The following PVR variants were observed in gnomAD, a reference collection of about 807,000 sequenced individuals.
PVR encodes the protein PVR cell adhesion molecule.
A neutral mutation model predicts 43.3 loss-of-function variants in PVR; 39 were observed. That is an observed-to-expected ratio of 0.90 (90% CI 0.70 to 1.18). The LOEUF (loss-of-function observed/expected upper bound fraction) is 1.18, where lower values mean the gene tolerates loss of function less well. Ranked by LOEUF, PVR falls within the 50% of genes most tolerant of loss-of-function variation. The pLI is 0.00. For missense variants in PVR, 480 were observed against 549.7 expected (o/e 0.87, Z 1.27); for synonymous variants, 224 against 233.2 (o/e 0.96, Z 0.36).
At chr19:44,645,138 AT>A (rs1210810745) in intron 1 of PVR, among the ~76,000 whole-genome samples, 2,925 of 60,428 alleles carry the variant, frequency 0.048, 546 homozygotes, top group African/African-American at 0.19. Context: ...AATATATTAT[AT>A]ATATTATTAT....
In PVR at chr19:44,647,484, G is replaced by C. The variant is rs145805807; in HGVS notation, c.341G>C (p.Arg114Pro). 1.9e-5 allele frequency: 30 copies of C among 1,614,006 alleles called. No homozygotes were observed. Among genetic ancestry groups the C allele is most frequent in the Non-Finnish European group, 2.5e-5 (29 of 1,180,014 alleles). ...GCCTCGCTGAGGATGTTCGGGTTGC[G>C]CGTAGAGGATGAAGGCAACTACACC... ...RNASLRMFGL[R>P]VEDEGNYTCL... Residue 114 changes from arginine to proline, a missense_variant, in exon 2 of 8, where the codon CGC becomes CCC. Arg to Pro is a moderately radical substitution (Grantham distance 103). Transcript: ENST00000425690.
chr19:44,654,829 C>G (rs1973395778), intron 4 of PVR, among the ~76,000 whole-genome samples: 1 of 151,970 alleles, frequency 6.6e-6, no homozygotes, highest in African/African-American at 2.4e-5. Flanking sequence ...CCAATGTGGC[C>G]CGGGGAAGCC....
chr19:44,650,561 C>CTTTTTT (rs869225120), intron 3 of PVR, among the ~76,000 whole-genome samples: 1 of 135,528 alleles, frequency 7.4e-6, no homozygotes, highest in South Asian at 2.3e-4. Context: ...TCTTTCTTTC[C>CTTTTTT]TTTTTTTTTT....
At chr19:44,661,472 A>G in intron 7 of PVR, 149 bp downstream of exon 7, 1 of 889,826 alleles carries the variant, frequency 1.1e-6, no homozygotes, top group Non-Finnish European at 1.8e-6. Context: ...TGCTGGGCGG[A>G]ATCCCCTGTA....
At chr19:44,661,420 T>A in intron 7 of PVR, 97 bp downstream of exon 7, 1 of 1,312,094 alleles carries the variant, frequency 7.6e-7, no homozygotes, top group Non-Finnish European at 1.1e-6. Flanking sequence ...GGAGCCTGGG[T>A]CTTTTCTCCT....
chr19:44,663,381 A>G lies in PVR; in HGVS notation c.*1570A>G, dbSNP rs958818587. 1.3e-5 allele frequency: 2 copies of G among 152,260 alleles called. No individual in the cohort carries two copies. The highest frequency in any genetic ancestry group is 4.8e-5 in the African/African-American group (2 of 41,436). The allele number at this position is 152,260 out of a possible 1,614,324, so 9.4% of individuals were successfully genotyped here. A position where few individuals can be genotyped will look rare whatever the true frequency, so the allele number is the denominator to read the frequency against. ...GACAGAGGATTTGCTCTGGACAGAGATGGAAGAGCCGGGAACAGAGAAGTG... is the reference window on the plus strand; with the variant it reads ...GACAGAGGATTTGCTCTGGACAGAGGTGGAAGAGCCGGGAACAGAGAAGTG... On this transcript the variant is annotated 3_prime_UTR_variant, in exon 8 of 8. Transcript: ENST00000425690.
At chr19:44,648,671 T>C (rs1438468809) in intron 2 of PVR, among the ~76,000 whole-genome samples, 1 of 151,928 alleles carries the variant, frequency 6.6e-6, no homozygotes, top group East Asian at 1.9e-4. Flanking sequence ...TTTGTTTTGT[T>C]TTGTTTTCTT....
chr19:44,655,303 G>T (rs1973411508), intron 4 of PVR, among the ~76,000 whole-genome samples: 1 of 152,112 alleles, frequency 6.6e-6, no homozygotes, highest in East Asian at 1.9e-4. Context: ...TGCCCAGGCT[G>T]GTCTGCAACT....
At chr19:44,657,306 G>T (rs1380273997) in intron 4 of PVR, among the ~76,000 whole-genome samples, 1 of 152,230 alleles carries the variant, frequency 6.6e-6, no homozygotes, top group Non-Finnish European at 1.5e-5. Context: ...GCAGGGGCCA[G>T]ATCACGTGGG....
At position 44,649,846 on chromosome 19, in the gene PVR, G is replaced by C. The variant is rs1269883877; in HGVS notation, c.465G>C (p.Gln155His). ...ACACAGCTGAGGTTCAGAAGGTCCA[G>C]CTCACTGGAGAGCCAGTGCCCATGG... ...PQNTAEVQKV[Q>H]LTGEPVPMAR... The change falls in exon 3 of 8, where the codon CAG (glutamine) becomes CAC (histidine). Residue 155 changes from glutamine (Q) to histidine (H), a missense_variant. Transcript: ENST00000425690. 6.2e-7 allele frequency: 1 copy of C among 1,614,088 alleles called. No individual in the cohort carries two copies. Among genetic ancestry groups the C allele is most frequent in the Non-Finnish European group, 8.5e-7 (1 of 1,180,016 alleles).
At chr19:44,656,393 C>T (rs572433521) in intron 4 of PVR, among the ~76,000 whole-genome samples, 6 of 152,284 alleles carry the variant, frequency 3.9e-5, no homozygotes, top group Admixed American at 1.3e-4. Context: ...CTCAAAGCAC[C>T]GCAATTCAGG....
Position 44,643,947 on chromosome 19 carries a change from C to T in PVR, c.-150C>T, listed in dbSNP as rs1003231714. ...GGAGCTTGAAGAAGTGGGTATTCCC[C>T]TTCCCACCCCAGGCACTGGAGGAGC... is the stretch of plus-strand genomic sequence containing the variant. On this transcript the variant is annotated 5_prime_UTR_variant, in exon 1 of 8. Transcript: ENST00000425690. 3 of 591,024 alleles carry T rather than the reference C, an allele frequency of 5.1e-6. No homozygotes were observed. Among genetic ancestry groups the T allele is most frequent in the African/African-American group, 2.0e-5 (1 of 50,346 alleles). 36.6% of individuals were successfully genotyped at this position (591,024 alleles called of 1,614,324 possible).
intron 1 of PVR, among the ~76,000 whole-genome samples, chr19:44,645,794 C>T (rs1395352444): frequency 6.6e-6 from 1 of 151,684 alleles, no homozygotes; most frequent in African/African-American, 2.4e-5. Flanking sequence ...GACCCCATCT[C>T]TACAAAAATA....
intron 6 of PVR, among the ~76,000 whole-genome samples, chr19:44,659,722 T>A (rs981804103): frequency 2.6e-5 from 4 of 152,174 alleles, no homozygotes; most frequent in Non-Finnish European, 5.9e-5. Flanking sequence ...TCTCCTGTGA[T>A]CCACCCGCCT....
chr19:44,645,683 A>G (rs1327099599), intron 1 of PVR, among the ~76,000 whole-genome samples: 3 of 151,648 alleles, frequency 2.0e-5, no homozygotes, highest in African/African-American at 7.3e-5. Flanking sequence ...GGTTGCAGCC[A>G]AGCACAGTGG....
At chr19:44,644,240 A>G (rs1157093669) in intron 1 of PVR, 65 bp downstream of exon 1, 3 of 1,299,436 alleles carry the variant, frequency 2.3e-6, no homozygotes, top group East Asian at 3.1e-5. Flanking sequence ...CAGGCCGGGT[A>G]CTCGCCCCCT....
chr19:44,652,248 G>A (rs1338849547), intron 3 of PVR, among the ~76,000 whole-genome samples: 1 of 152,078 alleles, frequency 6.6e-6, no homozygotes, highest in Non-Finnish European at 1.5e-5. Flanking sequence ...ACCCAGACTG[G>A]AGTGCAGTGG....
chr19:44,658,724 T>C lies in PVR; in HGVS notation c.992-18T>C, dbSNP rs1282753950. On this transcript the variant is annotated intron_variant, in intron 5 of 7. Coordinates refer to ENST00000425690, the MANE Select transcript of PVR (RefSeq NM_006505.5). ...CCAAGAGTTTCCTTACCTAAATACCTGTTTCCTTCTCTTTCAGAGGGACCT... is the reference window on the plus strand; with the variant it reads ...CCAAGAGTTTCCTTACCTAAATACCCGTTTCCTTCTCTTTCAGAGGGACCT... 1.3e-6 allele frequency: 2 copies of C among 1,583,204 alleles called. No homozygotes were observed. The highest frequency in any genetic ancestry group is 2.3e-5 in the South Asian group (2 of 88,424).
Position 44,653,997 on chromosome 19 carries a change from C to T in PVR, c.822C>T (p.Pro274=). 2 of 1,613,882 alleles carry T rather than the reference C, an allele frequency of 1.2e-6. No individual in the cohort carries two copies. The highest frequency in any genetic ancestry group is 1.7e-6 in the Non-Finnish European group (2 of 1,179,742). Residue 274 remains proline (P), a synonymous_variant, in exon 4 of 8, where the codon CCC becomes CCT. Coordinates refer to ENST00000425690, the MANE Select transcript of PVR (RefSeq NM_006505.5). ...GCGATGCTCGCAGCAACCCAGAGCC[C>T]ACAGGCTATAATTGGAGCACGTGAG... ...LTCDARSNPE[P]TGYNWSTTMG...
Sources: gnomAD v4.1 joint callset for allele counts (sites outside exome capture counted in the v4.1 genomes callset) on GRCh38, gnomAD v4.1.1 for gene constraint, MANE v1.5 for transcripts, NCBI Gene and HGNC (gene_info 2026-07-23, HGNC 2026-07-21) for gene names.